The following EHMT1 variants were observed in gnomAD, a reference collection of about 807,000 sequenced individuals.
EHMT1 encodes euchromatic histone lysine methyltransferase 1, also known as histone-lysine N-methyltransferase EHMT1.
Under a neutral mutation model 147.2 loss-of-function variants are expected in EHMT1, and 15 were observed. The observed-to-expected ratio is 0.10, with a 90% CI of 0.07 to 0.16. The LOEUF (loss-of-function observed/expected upper bound fraction) is 0.16. EHMT1 is among the 10% of genes least tolerant of loss of function. EHMT1 has a pLI of 1.00. For synonymous variants in EHMT1, 795 were observed against 709.6 expected, an observed-to-expected ratio of 1.12 and a Z score of -1.91; for missense variants, 1,587 against 1,772.4, an observed-to-expected ratio of 0.90 and a Z score of 1.88.
At chr9:137,634,758 C>T (rs1324851709) in intron 1 of EHMT1, among the ~76,000 whole-genome samples, 5 of 146,476 alleles carry the variant, frequency 3.4e-5, no homozygotes, top group South Asian at 2.2e-4. Context: ...GCTGGAGTGC[C>T]GTGGTGCGAT....
At chr9:137,639,645 A>G (rs1844339025) in intron 1 of EHMT1, among the ~76,000 whole-genome samples, 1 of 151,792 alleles carries the variant, frequency 6.6e-6, no homozygotes, top group South Asian at 2.1e-4. Context: ...TTTATGGTTT[A>G]TTTTTGCATA....
intron 1 of EHMT1, among the ~76,000 whole-genome samples, chr9:137,656,234 G>T (rs1170878729): frequency 6.6e-6 from 1 of 152,076 alleles, no homozygotes; most frequent in African/African-American, 2.4e-5. Flanking sequence ...ATAAAAATTA[G>T]CTGGGCATGG....
chr9:137,808,398 G>T (rs1954129234), intron 18 of EHMT1, among the ~76,000 whole-genome samples: 1 of 152,130 alleles, frequency 6.6e-6, no homozygotes, highest in Admixed American at 6.5e-5. Context: ...TCGCCTCTCA[G>T]GGGCACGGTC....
In EHMT1 at chr9:137,828,932, T is replaced by C. The variant is rs1956009640; in HGVS notation, c.3541-5417T>C. Reference sequence around the variant, plus strand: ...CTAGGAATCCTGGGAAGAGCCCAGATGGGCCTGGCCCTCCCAGATGGCCTC... The same window carrying C: ...CTAGGAATCCTGGGAAGAGCCCAGACGGGCCTGGCCCTCCCAGATGGCCTC... On this transcript the variant is annotated intron_variant, in intron 25 of 26. Coordinates refer to ENST00000460843, the MANE Select transcript of EHMT1 (RefSeq NM_024757.5). This position sits in a 1 kb window ranked among gnomAD's most constrained non-coding sequence, Gnocchi z 5.3. 6.6e-6 allele frequency among the ~76,000 whole-genome samples: 1 copy of C among 152,154 alleles called. No individual in the cohort carries two copies. Among genetic ancestry groups the C allele is most frequent in the African/African-American group, 2.4e-5 (1 of 41,446 alleles).
chr9:137,833,275 G>A (rs909921721), intron 25 of EHMT1, among the ~76,000 whole-genome samples: 34 of 152,294 alleles, frequency 2.2e-4, no homozygotes, highest in Admixed American at 5.9e-4. Context: ...CTCCTTCCCC[G>A]TCTGCCTGGC....
At chr9:137,743,148 G>A (rs1322625895) in intron 4 of EHMT1, 1 of 537,092 alleles carries the variant, frequency 1.9e-6, no homozygotes, top group Non-Finnish European at 3.3e-6. Flanking sequence ...TGGAACAGAT[G>A]AACAGATGAT....
chr9:137,738,233 C>T (rs888798018), intron 4 of EHMT1, among the ~76,000 whole-genome samples: 1 of 151,286 alleles, frequency 6.6e-6, no homozygotes, highest in South Asian at 2.1e-4. Flanking sequence ...AAAAAAAACC[C>T]AAAAAAGGCA....
At position 137,834,535 on chromosome 9, in the gene EHMT1, C is replaced by A; in HGVS notation, c.3716+11C>A. On this transcript the variant is annotated intron_variant, in intron 26 of 26. Transcript: ENST00000460843. ...CGGCGAGCAGCTCGGGTACGCACCG[C>A]CCCGGCCCCTGGCCATCTCCGCTGC... The A allele has an allele frequency of 6.2e-7, 1 of 1,609,128 alleles. No homozygotes were observed. The highest frequency in any genetic ancestry group is 1.1e-5 in the South Asian group (1 of 91,034).
Position 137,813,294 on chromosome 9 carries a change from C to A in EHMT1, c.3036-92C>A. On this transcript the variant is annotated intron_variant, in intron 20 of 26. Transcript: ENST00000460843. This position sits in a 1 kb window ranked among gnomAD's most constrained non-coding sequence, Gnocchi z 4.9. ...CAGGCTGCAGTCCAAATTGTCAGGG[C>A]CAGGTGTTTGCCAGCCGCCCCACTG... 1 of 1,556,942 alleles carries A rather than the reference C, an allele frequency of 6.4e-7. No individual in the cohort carries two copies.
At chr9:137,823,126 TCTCA>T (rs1248420493) in intron 25 of EHMT1, among the ~76,000 whole-genome samples, 1 of 133,164 alleles carries the variant, frequency 7.5e-6, no homozygotes, top group African/African-American at 2.9e-5. Context: ...TGAGACGGAG[TCTCA>T]CTCTGTCGCC....
rs899130553 is a variant in EHMT1, at chr9:137,753,739, T to G, written c.1249-432T>G. On this transcript the variant is annotated intron_variant, in intron 7 of 26. Transcript: ENST00000460843. ...ATATCTTGAAATATTATAAGTTAAT[T>G]ACAGCCTCTGTCCTTGTTCTCTGTG... 6.6e-5 allele frequency among the ~76,000 whole-genome samples: 10 copies of G among 152,204 alleles called. No homozygotes were observed. In the East Asian group the frequency reaches 1.5e-3, roughly 23 times the overall value.
intron 1 of EHMT1, among the ~76,000 whole-genome samples, chr9:137,672,604 G>A (rs1214028300): frequency 2.6e-5 from 4 of 152,224 alleles, no homozygotes; most frequent in African/African-American, 4.8e-5. Context: ...TTGTTTTACC[G>A]TAAACCAAAG....
intron 1 of EHMT1, among the ~76,000 whole-genome samples, chr9:137,710,010 TG>T (rs1564617203): frequency 6.6e-6 from 1 of 152,058 alleles, no homozygotes; most frequent in Non-Finnish European, 1.5e-5. Context: ...CAGCTGTGGG[TG>T]GGGCATTTGC....
chr9:137,751,182 G>GT (rs936813031), intron 6 of EHMT1, among the ~76,000 whole-genome samples: 1 of 152,208 alleles, frequency 6.6e-6, no homozygotes, highest in African/African-American at 2.4e-5. Flanking sequence ...ATTGGGAACT[G>GT]TTTTTTCCAA....
intron 10 of EHMT1, among the ~76,000 whole-genome samples, chr9:137,770,224 C>T (rs1347779566): frequency 6.6e-6 from 1 of 152,184 alleles, no homozygotes; most frequent in Non-Finnish European, 1.5e-5. Flanking sequence ...TCCCACAGCT[C>T]TTCAATGCCC....
chr9:137,765,073 C>T (rs573542416), intron 10 of EHMT1, among the ~76,000 whole-genome samples: 37 of 152,352 alleles, frequency 2.4e-4, no homozygotes, highest in Admixed American at 1.4e-3. Context: ...CTGCGGCGGC[C>T]GCCTGTCCGC....
chr9:137,624,536 G>C (rs1329094877), intron 1 of EHMT1, among the ~76,000 whole-genome samples: 1 of 152,024 alleles, frequency 6.6e-6, no homozygotes, highest in Non-Finnish European at 1.5e-5. Context: ...GGCAGGTCTC[G>C]AACTCCTGAC....
chr9:137,636,915 T>G (rs1414961581), intron 1 of EHMT1, among the ~76,000 whole-genome samples: 3 of 136,052 alleles, frequency 2.2e-5, no homozygotes, highest in Non-Finnish European at 3.2e-5. Context: ...TTTTTTTTTT[T>G]GAGACAGAGT....
chr9:137,804,726 G>A (rs181355416), intron 18 of EHMT1, among the ~76,000 whole-genome samples: 5 of 151,970 alleles, frequency 3.3e-5, no homozygotes, highest in Admixed American at 2.0e-4. Flanking sequence ...ATTTAGGTCT[G>A]TGTTTTATTA....
Sources: allele counts gnomAD v4.1 joint callset (sites outside exome capture counted in the v4.1 genomes callset), GRCh38; gene constraint gnomAD v4.1.1; non-coding constraint Gnocchi (gnomAD v3.1); transcripts MANE v1.5; gene names NCBI Gene and HGNC (gene_info 2026-07-23, HGNC 2026-07-21).